Variants in DNAJC1 observed in about 807,000 individuals in gnomAD.
DNAJC1 encodes DnaJ heat shock protein family (Hsp40) member C1, also known as dnaJ homolog subfamily C member 1.
A neutral mutation model predicts 76.6 loss-of-function variants in DNAJC1; 58 were observed. That is an observed-to-expected ratio of 0.76 (90% CI 0.61 to 0.94). The LOEUF (loss-of-function observed/expected upper bound fraction) is 0.94. Among genes scored for constraint, DNAJC1 ranks in the 40% least tolerant of loss-of-function variants. The probability of loss-of-function intolerance (pLI) is 0.00; values close to 1 mark genes in which losing one functional copy is unlikely to be tolerated. For synonymous variants in DNAJC1, 258 were observed against 267.9 expected, an observed-to-expected ratio of 0.96 and a Z score of 0.36; for missense variants, 689 against 677.3, an observed-to-expected ratio of 1.02 and a Z score of -0.19.
intron 8 of DNAJC1, among the ~76,000 whole-genome samples, chr10:21,849,287 C>T (rs1357852205): frequency 1.7e-4 from 19 of 109,132 alleles, no homozygotes; most frequent in East Asian, 1.3e-3. Context: ...AGTGGGACTC[C>T]GCCTCAAAAA....
At chr10:21,826,143 C>A (rs995393179) in intron 8 of DNAJC1, among the ~76,000 whole-genome samples, 3 of 142,940 alleles carry the variant, frequency 2.1e-5, no homozygotes, top group African/African-American at 8.0e-5. Context: ...TAGGCTGAGG[C>A]AGGAGAATGG....
At chr10:21,910,881 G>A (rs1373266241) in intron 6 of DNAJC1, among the ~76,000 whole-genome samples, 1 of 135,192 alleles carries the variant, frequency 7.4e-6, no homozygotes, top group Non-Finnish European at 1.6e-5. Flanking sequence ...GGAGAGGAGA[G>A]GAGGAAGGAA....
chr10:21,772,271 CTTTTTTTTTT>C (rs398045895), intron 9 of DNAJC1, among the ~76,000 whole-genome samples: 1 of 93,044 alleles, frequency 1.1e-5, no homozygotes, highest in East Asian at 3.3e-4. Flanking sequence ...CACCCCTCTT[CTTTTTTTTTT>C]TTTTTTTTTT....
intron 1 of DNAJC1, among the ~76,000 whole-genome samples, chr10:21,999,297 T>C (rs1838474790): frequency 6.6e-6 from 1 of 152,208 alleles, no homozygotes; most frequent in Non-Finnish European, 1.5e-5. Flanking sequence ...GCTCATCTTA[T>C]TTGAATCATC....
At chr10:21,811,163 G>C (rs1194273536) in intron 8 of DNAJC1, among the ~76,000 whole-genome samples, 2 of 152,138 alleles carry the variant, frequency 1.3e-5, no homozygotes, top group African/African-American at 4.8e-5. Context: ...AGCTCACGGG[G>C]TGACCCACCG....
rs1344548791 is a variant in DNAJC1 at position 21,813,206 on chromosome 10, CTCTCTCTCTCTCTCTA to C, written c.979-7123_979-7108del. ...TCTCTCTCTCTCTCTCTCTCTCTCTCTCTCTCTCTCTCTCTATATATATATATATATATATATACAC... is the reference window on the plus strand; with the variant it reads ...TCTCTCTCTCTCTCTCTCTCTCTCTCTATATATATATATATATATATACAC... On this transcript the variant is annotated intron_variant, in intron 8 of 11. Coordinates refer to ENST00000376980, the MANE Select transcript of DNAJC1 (RefSeq NM_022365.4). Among the ~76,000 whole-genome samples, 230 of 73,240 alleles carry C rather than the reference CTCTCTCTCTCTCTCTA, an allele frequency of 3.1e-3. 1 individual carries two copies. The highest frequency in any genetic ancestry group is 7.4e-3 in the Admixed American group (54 of 7,324). 48.0% of individuals were successfully genotyped at this position (73,240 alleles called of 152,430 possible). A position where few individuals can be genotyped will look rare whatever the true frequency, so the allele number is the denominator to read the frequency against.
intron 8 of DNAJC1, among the ~76,000 whole-genome samples, chr10:21,866,134 C>CAAAAAA (rs1306930222): frequency 7.7e-4 from 26 of 33,980 alleles, no homozygotes; most frequent in South Asian, 1.1e-3. Flanking sequence ...GACTTCAACT[C>CAAAAAA]AAAAAAAAAA....
chr10:21,983,569 A>T (rs1359672782), intron 1 of DNAJC1, among the ~76,000 whole-genome samples: 1 of 152,044 alleles, frequency 6.6e-6, no homozygotes, highest in Non-Finnish European at 1.5e-5. Context: ...AAAATACAAA[A>T]ATTAGCCGGG....
chr10:21,834,875 ACCTCTGTAG>A (rs918934995), intron 8 of DNAJC1, among the ~76,000 whole-genome samples: 8 of 152,196 alleles, frequency 5.3e-5, no homozygotes, highest in Admixed American at 6.5e-5. Context: ...ACGCCTGCCT[ACCTCTGTAG>A]GCTCCACCTC....
chr10:21,932,155 G>C (rs1407027501), intron 1 of DNAJC1, among the ~76,000 whole-genome samples: 5 of 151,914 alleles, frequency 3.3e-5, no homozygotes. Context: ...TGAGCAACAT[G>C]GAAAAACCCC....
intron 1 of DNAJC1, among the ~76,000 whole-genome samples, chr10:21,962,374 A>G (rs578244080): frequency 1.3e-5 from 2 of 151,076 alleles, no homozygotes; most frequent in African/African-American, 4.9e-5. Context: ...AGCTTCTTCA[A>G]AATTGGAGAT....
At chr10:21,998,491 G>A (rs536092302) in intron 1 of DNAJC1, among the ~76,000 whole-genome samples, 5 of 151,626 alleles carry the variant, frequency 3.3e-5, no homozygotes, top group South Asian at 2.1e-4. Flanking sequence ...TAAATACTGT[G>A]CAGGAACCTA....
At chr10:21,934,699 T>C (rs1171653425) in intron 1 of DNAJC1, among the ~76,000 whole-genome samples, 2 of 152,206 alleles carry the variant, frequency 1.3e-5, no homozygotes, top group East Asian at 3.8e-4. Context: ...CAATAGGTTA[T>C]ACCATATAGC....
At chr10:21,932,173 CAA>C (rs1036156510) in intron 1 of DNAJC1, among the ~76,000 whole-genome samples, 1 of 150,400 alleles carries the variant, frequency 6.6e-6, no homozygotes, top group Non-Finnish European at 1.5e-5. Context: ...CCCATCTGTG[CAA>C]AAAAAAATTG....
At chr10:21,968,508 T>G (rs552185262) in intron 1 of DNAJC1, among the ~76,000 whole-genome samples, 1 of 152,118 alleles carries the variant, frequency 6.6e-6, no homozygotes, top group South Asian at 2.1e-4. Context: ...ACATATCTTT[T>G]TTTTTTTTTT....
intron 7 of DNAJC1, among the ~76,000 whole-genome samples, chr10:21,892,564 TACAC>T (rs1836477566): frequency 6.6e-6 from 1 of 151,950 alleles, no homozygotes; most frequent in Non-Finnish European, 1.5e-5. Context: ...AACCATTTAA[TACAC>T]ACACACAAAC....
intron 10 of DNAJC1, 66 bp from the exon 11 acceptor site, chr10:21,759,684 C>A: frequency 6.7e-7 from 1 of 1,501,182 alleles, no homozygotes. Context: ...GTGAGAACAG[C>A]AGCTGCCGGG....
intron 8 of DNAJC1, among the ~76,000 whole-genome samples, chr10:21,840,419 T>A (rs1394290037): frequency 2.0e-5 from 3 of 152,076 alleles, no homozygotes; most frequent in Non-Finnish European, 4.4e-5. Flanking sequence ...GGATACAAAA[T>A]CAATGTACAA....
At chr10:21,776,458 T>C (rs1026967118) in intron 9 of DNAJC1, among the ~76,000 whole-genome samples, 1 of 152,216 alleles carries the variant, frequency 6.6e-6, no homozygotes, top group Non-Finnish European at 1.5e-5. Context: ...TATTTTCATT[T>C]GTTAAATTTA....
Sources: gnomAD v4.1 joint callset for allele counts (sites outside exome capture counted in the v4.1 genomes callset) on GRCh38, gnomAD v4.1.1 for gene constraint, MANE v1.5 for transcripts, NCBI Gene and HGNC (gene_info 2026-07-23, HGNC 2026-07-21) for gene names.